Variants in CCDC63 observed in about 807,000 individuals in gnomAD.
The protein encoded by CCDC63 is coiled-coil domain-containing protein 63.
CCDC63 carries 54 observed loss-of-function variants against 63.6 expected under a neutral mutation model. The observed-to-expected ratio is 0.85, with a 90% CI of 0.68 to 1.07. The LOEUF (loss-of-function observed/expected upper bound fraction) is 1.07, where lower values mean the gene tolerates loss of function less well. Among genes scored for constraint, CCDC63 ranks in the 50% least tolerant of loss-of-function variants. The pLI is 0.00. For missense variants in CCDC63, 637 were observed against 689.6 expected, an observed-to-expected ratio of 0.92 and a Z score of 0.86; for synonymous variants, 253 against 266.1, an observed-to-expected ratio of 0.95 and a Z score of 0.48.
At chr12:110,905,917 A>ATATATTATATAAAATATATATTATAT (rs1566144415) in intron 11 of CCDC63, among the ~76,000 whole-genome samples, 19 of 9,972 alleles carry the variant, frequency 1.9e-3, no homozygotes, top group African/African-American at 9.1e-3. Context: ...ATATTATATT[A>ATATATTATATAAAATATATATTATAT]TATATAATAT....
At chr12:110,888,786 T>TTTCCTTCCTTCCTTCC (rs539750683) in intron 8 of CCDC63, among the ~76,000 whole-genome samples, 60 of 85,496 alleles carry the variant, frequency 7.0e-4, no homozygotes, top group Non-Finnish European at 1.2e-3. Flanking sequence ...TTGGTCCTTC[T>TTTCCTTCCTTCCTTCC]TTCCTTCCTT....
intron 5 of CCDC63, among the ~76,000 whole-genome samples, chr12:110,874,477 A>T (rs2071106489): frequency 6.6e-6 from 1 of 152,202 alleles, no homozygotes; most frequent in Non-Finnish European, 1.5e-5. Flanking sequence ...TAAGAAAAAA[A>T]GGGGAATGTG....
intron 10 of CCDC63, 24 bp downstream of exon 10, chr12:110,899,149 G>A (rs760431325): frequency 6.3e-7 from 1 of 1,590,582 alleles, no homozygotes; most frequent in South Asian, 1.1e-5. Flanking sequence ...GGGCCCGTTG[G>A]AGTCTTAGGA....
At chr12:110,887,562 G>C (rs1338908394) in intron 8 of CCDC63, among the ~76,000 whole-genome samples, 1 of 152,068 alleles carries the variant, frequency 6.6e-6, no homozygotes, top group Non-Finnish European at 1.5e-5. Context: ...GGCCATGGGA[G>C]GGGGCTGGGA....
chr12:110,870,407 T>C (rs1210135810), intron 4 of CCDC63, among the ~76,000 whole-genome samples: 1 of 152,228 alleles, frequency 6.6e-6, no homozygotes, highest in Non-Finnish European at 1.5e-5. Flanking sequence ...ACTAGTGTTT[T>C]CCATTCATGT....
intron 8 of CCDC63, among the ~76,000 whole-genome samples, chr12:110,890,776 T>A (rs1292095016): frequency 4.9e-5 from 7 of 143,330 alleles, no homozygotes; most frequent in African/African-American, 1.8e-4. Context: ...TCCTTTTCTT[T>A]TTTTTTTTTT....
chr12:110,876,486 G>A (rs1000331861), intron 5 of CCDC63, among the ~76,000 whole-genome samples: 4 of 152,148 alleles, frequency 2.6e-5, no homozygotes, highest in South Asian at 2.1e-4. Flanking sequence ...AGGCTCTTCT[G>A]CTCAGGCTTG....
intron 9 of CCDC63, among the ~76,000 whole-genome samples, chr12:110,894,204 CA>C (rs1180666488): frequency 1.6e-5 from 1 of 63,358 alleles, no homozygotes; most frequent in East Asian, 3.1e-4. Flanking sequence ...GTGGGAGCTG[CA>C]ACAACAACAA....
At chr12:110,898,791 T>C (rs1360766747) in intron 9 of CCDC63, 142 bp from the exon 10 acceptor site, 1 of 510,610 alleles carries the variant, frequency 2.0e-6, no homozygotes, top group African/African-American at 2.0e-5. Context: ...CTTTAAAATT[T>C]GATGGGAACC....
intron 3 of CCDC63, among the ~76,000 whole-genome samples, chr12:110,856,401 G>A (rs1293649994): frequency 6.6e-6 from 1 of 151,870 alleles, no homozygotes; most frequent in East Asian, 1.9e-4. Flanking sequence ...AACTCTTGTA[G>A]AGTATTGTAC....
At position 110,858,570 on chromosome 12, in the gene CCDC63, G is replaced by A. The variant is rs1446709147; in HGVS notation, c.180-16G>A. 1 of 1,601,762 alleles carries A rather than the reference G, an allele frequency of 6.2e-7. No individual in the cohort carries two copies. The highest frequency in any genetic ancestry group is 1.7e-5 in the Admixed American group (1 of 58,726). On this transcript the variant is annotated splice_polypyrimidine_tract_variant and intron_variant, in intron 3 of 11. Coordinates refer to ENST00000308208, the MANE Select transcript of CCDC63 (RefSeq NM_152591.3). ...CTTAGGGGTTTGGGGTTAATCATGG[G>A]CTGCTTTTCCAACAGCAAGGAGATC...
rs2339635 is a variant in CCDC63, at chr12:110,847,068, G to C, written c.-134G>C. 0.73 allele frequency: 110,797 copies of C among 152,072 alleles called. 40,553 individuals carry two copies. The highest frequency in any genetic ancestry group is 0.76 in the African/African-American group (31,701 of 41,504). 9.4% of individuals were successfully genotyped at this position (152,072 alleles called of 1,614,324 possible). A position where few individuals can be genotyped will look rare whatever the true frequency, so the allele number is the denominator to read the frequency against. On this transcript the variant is annotated 5_prime_UTR_variant, in exon 1 of 12. Coordinates refer to ENST00000308208, the MANE Select transcript of CCDC63 (RefSeq NM_152591.3). ...TGCAGCAGCCGTCGGACAAGCGGCC[G>C]GAGCAGCCACGGACAAGCAGTCCGG...
intron 3 of CCDC63, among the ~76,000 whole-genome samples, chr12:110,853,890 C>T (rs7139221): frequency 0.044 from 6,759 of 152,276 alleles, 448 homozygotes; most frequent in African/African-American, 0.14. Flanking sequence ...CACATGACTT[C>T]TGTTCTCTCT....
chr12:110,853,286 G>A, intron 2 of CCDC63, 119 bp from the exon 3 acceptor site: 2 of 987,876 alleles, frequency 2.0e-6, no homozygotes, highest in Admixed American at 5.4e-5. Flanking sequence ...CCAAGGGAAG[G>A]TCTTCCACTT....
intron 5 of CCDC63, among the ~76,000 whole-genome samples, chr12:110,876,658 T>A (rs1441535648): frequency 1.3e-5 from 2 of 152,140 alleles, no homozygotes; most frequent in African/African-American, 4.8e-5. Flanking sequence ...CTGTTAGGAA[T>A]ATTTTTTTGT....
At chr12:110,855,057 C>T (rs2136645165) in intron 3 of CCDC63, among the ~76,000 whole-genome samples, 1 of 152,270 alleles carries the variant, frequency 6.6e-6, no homozygotes, top group Non-Finnish European at 1.5e-5. Flanking sequence ...TCCCAAAGTT[C>T]TAGGATTACA....
rs1017903732 is a variant in CCDC63, at chr12:110,907,418, G to T, written c.1634G>T (p.Gly545Val). The T allele has an allele frequency of 3.7e-6, 6 of 1,614,214 alleles. No individual in the cohort carries two copies. In the East Asian group the frequency reaches 1.3e-4, roughly 36 times the overall value. The change falls in exon 12 of 12, where the codon GGA (glycine) becomes GTA (valine). Residue 545 changes from glycine (G) to valine (V), a missense_variant. Transcript: ENST00000308208. The surrounding 1 kb of genome is among the most constrained non-coding windows in gnomAD (Gnocchi z 4.4). The stretch of plus-strand genomic sequence containing the variant: ...GAGAATCGGAGTAAGGAAGTGCGCG[G>T]AGACAGCCTGCCTGAGAAGGTGGAT... ...LKENRSKEVR[G>V]DSLPEKVDDF...
chr12:110,883,242 T>C (rs1473510508), intron 7 of CCDC63, among the ~76,000 whole-genome samples: 1 of 152,152 alleles, frequency 6.6e-6, no homozygotes, highest in Non-Finnish European at 1.5e-5. Context: ...TTCACCATGT[T>C]GGCCAGGATG....
At chr12:110,858,485 A>C in intron 3 of CCDC63, 101 bp from the exon 4 acceptor site, 194 of 989,230 alleles carry the variant, frequency 2.0e-4, no homozygotes, top group East Asian at 3.1e-4. Flanking sequence ...CAGGTGGGAA[A>C]TTCCTCTCTC....
Sources: allele counts gnomAD v4.1 joint callset (sites outside exome capture counted in the v4.1 genomes callset), GRCh38; gene constraint gnomAD v4.1.1; non-coding constraint Gnocchi (gnomAD v3.1); transcripts MANE v1.5; gene names NCBI Gene and HGNC (gene_info 2026-07-23, HGNC 2026-07-21).